AMD1: variants seen among roughly 807,000 people sequenced by gnomAD.
The protein encoded by AMD1 is S-adenosylmethionine decarboxylase proenzyme.
AMD1 carries 11 observed loss-of-function variants against 40.2 expected under a neutral mutation model. The observed-to-expected ratio is 0.27, with a 90% CI of 0.17 to 0.45. The LOEUF (loss-of-function observed/expected upper bound fraction) is 0.45, where lower values mean the gene tolerates loss of function less well. AMD1 is among the 20% of genes least tolerant of loss of function. AMD1 has a pLI of 1.00. For missense variants in AMD1, 257 were observed against 410.2 expected (o/e 0.63, Z 3.23); for synonymous variants, 121 against 130.8 (o/e 0.93, Z 0.51).
At chr6:110,848,926 G>C in the AMD1 span, among the ~76,000 whole-genome samples, 4 of 149,220 alleles carry the variant, frequency 2.7e-5, no homozygotes, top group Admixed American at 2.6e-4. Context: ...CAAGAGGATT[G>C]AGCCAGGAGT....
At position 110,893,696 on chromosome 6, in the gene AMD1, G is replaced by C. The variant is rs113377358; in HGVS notation, c.*80G>C. 4.0e-6 allele frequency: 6 copies of C among 1,501,112 alleles called. No homozygotes were observed. Among genetic ancestry groups the C allele is most frequent in the Admixed American group, 3.7e-5 (2 of 54,078 alleles). The allele number at this position is 1,501,112 out of a possible 1,614,324, so 93.0% of individuals were successfully genotyped here. A position where few individuals can be genotyped will look rare whatever the true frequency, so the allele number is the denominator to read the frequency against. ...TGCTTTCTAGATGTCGATGCTGGGG[G>C]CAGTGCTTTCCATAACCACCACTGT... On this transcript the variant is annotated 3_prime_UTR_variant, in exon 9 of 9. Coordinates refer to ENST00000368885, the MANE Select transcript of AMD1 (RefSeq NM_001634.6).
At chr6:110,863,401 G>T in the AMD1 span, among the ~76,000 whole-genome samples, 1 of 139,570 alleles carries the variant, frequency 7.2e-6, no homozygotes, top group African/African-American at 2.7e-5. Context: ...ACAGAGTCTC[G>T]CTCTGTCTCC....
In AMD1 at chr6:110,893,546, G is replaced by A. The variant is rs765148235; in HGVS notation, c.935G>A (p.Ser312Asn). 4.3e-6 allele frequency: 7 copies of A among 1,613,918 alleles called. No homozygotes were observed. The South Asian group carries it at 5.5e-5, about 13-fold the overall frequency. ...GGTTTTAAGCGTCTTGATTGCCAGA[G>A]TGCTATGTTCAATGATTACAATTTT... Reference protein sequence around the residue: ...IEGFKRLDCQSAMFNDYNFVF... With the variant: ...IEGFKRLDCQNAMFNDYNFVF... Residue 312 changes from serine (S) to asparagine (N), a missense_variant, in exon 9 of 9, where the codon AGT (serine) becomes AAT (asparagine). This residue lies in a region of AMD1 where 192 missense variants were observed against 296.5 expected (regional missense o/e 0.65). Coordinates refer to ENST00000368885, the MANE Select transcript of AMD1 (RefSeq NM_001634.6).
At chr6:110,852,680 A>C in the AMD1 span, among the ~76,000 whole-genome samples, 1 of 152,176 alleles carries the variant, frequency 6.6e-6, no homozygotes, top group Non-Finnish European at 1.5e-5. Context: ...AATCAATACA[A>C]AGAATTGCTG....
Position 110,874,986 on chromosome 6 carries a change from A to T in AMD1, c.-120A>T. 1 of 664,504 alleles carries T rather than the reference A, an allele frequency of 1.5e-6. No homozygotes were observed. Among genetic ancestry groups the T allele is most frequent in the Non-Finnish European group, 2.5e-6 (1 of 399,086 alleles). The allele number at this position is 664,504 out of a possible 1,614,324, so 41.2% of individuals were successfully genotyped here. The stretch of plus-strand genomic sequence containing the variant: ...ATATAAAATTATAGCAAAAAAAAAA[A>T]GGAACCTGAACTTTAGTAACACAGC... On this transcript the variant is annotated 5_prime_UTR_variant, in exon 1 of 9. In the 5' UTR this introduces an upstream ATG that the reference lacks. Transcript: ENST00000368885.
chr6:110,846,479 A>T, the AMD1 span, among the ~76,000 whole-genome samples: 1 of 152,248 alleles, frequency 6.6e-6, no homozygotes, highest in Non-Finnish European at 1.5e-5. Context: ...ATCAGAGGAA[A>T]CATTAAATGC....
At chr6:110,888,606 T>C in intron 2 of AMD1, 2 of 261,316 alleles carry the variant, frequency 7.7e-6, no homozygotes, top group Non-Finnish European at 1.5e-5. Flanking sequence ...GTGCCTGGCC[T>C]CTCTCTTTTT....
chr6:110,877,743 C>T (rs1440072172), intron 1 of AMD1, among the ~76,000 whole-genome samples: 2 of 152,224 alleles, frequency 1.3e-5, no homozygotes, highest in Non-Finnish European at 2.9e-5. Flanking sequence ...CAGGATCCCT[C>T]TATAGCCCAG....
At chr6:110,883,357 C>A (rs897990222) in intron 1 of AMD1, among the ~76,000 whole-genome samples, 1 of 152,168 alleles carries the variant, frequency 6.6e-6, no homozygotes, top group Non-Finnish European at 1.5e-5. Context: ...GCTGATTTCT[C>A]CTGGGCTTGC....
intron 1 of AMD1, among the ~76,000 whole-genome samples, chr6:110,885,442 T>C (rs1175617941): frequency 6.6e-6 from 1 of 151,956 alleles, no homozygotes; most frequent in Non-Finnish European, 1.5e-5. Context: ...TTTGTTTGTT[T>C]GTTTTTGAGA....
intron 1 of AMD1, among the ~76,000 whole-genome samples, chr6:110,877,563 C>T (rs975742924): frequency 5.3e-5 from 8 of 152,238 alleles, no homozygotes; most frequent in African/African-American, 1.7e-4. Context: ...AGTGCATAGC[C>T]TCTGGAATAA....
the AMD1 span, among the ~76,000 whole-genome samples, chr6:110,869,274 G>A: frequency 1.3e-5 from 2 of 151,662 alleles, no homozygotes; most frequent in African/African-American, 2.4e-5. Flanking sequence ...GGGACTACAG[G>A]AGCCCGCCAC....
At chr6:110,863,372 T>G in the AMD1 span, among the ~76,000 whole-genome samples, 1 of 108,522 alleles carries the variant, frequency 9.2e-6, no homozygotes, top group South Asian at 3.0e-4. Flanking sequence ...TTCTGCTTGC[T>G]TTTTTTTTTT....
Position 110,892,897 on chromosome 6 carries a change from CTT to C in AMD1, c.709-9_709-8del. ...GTCTTTCCATTCTTAACACTGTGAA[CTT>C]TTTCTCTCAGGGAACTTATTGGACT... On this transcript the variant is annotated splice_polypyrimidine_tract_variant and intron_variant, in intron 7 of 8. Transcript: ENST00000368885. 1 of 1,613,434 alleles carries C rather than the reference CTT, an allele frequency of 6.2e-7. No homozygotes were observed. Among genetic ancestry groups the C allele is most frequent in the Non-Finnish European group, 8.5e-7 (1 of 1,179,700 alleles).
the AMD1 span, among the ~76,000 whole-genome samples, chr6:110,850,020 TC>T: frequency 8.2e-6 from 1 of 122,398 alleles, no homozygotes; most frequent in Non-Finnish European, 1.7e-5. Context: ...CAAAACACTG[TC>T]AAAAAAAAAA....
At chr6:110,844,201 A>T in the AMD1 span, among the ~76,000 whole-genome samples, 3 of 151,442 alleles carry the variant, frequency 2.0e-5, no homozygotes, top group African/African-American at 7.3e-5. Context: ...CAGTGTAGCC[A>T]ACATAGCAAG....
chr6:110,852,004 T>A, the AMD1 span, among the ~76,000 whole-genome samples: 2 of 151,910 alleles, frequency 1.3e-5, no homozygotes, highest in African/African-American at 4.8e-5. Context: ...ATCAAGAGCT[T>A]TGGTTTAAAA....
the AMD1 span, among the ~76,000 whole-genome samples, chr6:110,869,075 T>A: frequency 5.7e-4 from 86 of 151,480 alleles, no homozygotes; most frequent in Non-Finnish European, 7.8e-4. Flanking sequence ...AAAAAAAAAA[T>A]TTAATGTAAT....
rs771852094 is a variant in AMD1 at position 110,874,829 on chromosome 6, T to C, written c.-277T>C. 1.1e-4 allele frequency: 42 copies of C among 366,718 alleles called. No individual in the cohort carries two copies. The highest frequency in any genetic ancestry group is 1.5e-3 in the Middle Eastern group (2 of 1,298). 22.7% of individuals were successfully genotyped at this position (366,718 alleles called of 1,614,324 possible). On this transcript the variant is annotated 5_prime_UTR_variant, in exon 1 of 9. Transcript: ENST00000368885. ...CGACATTAGCTAGCGCTCGCTCTAC[T>C]CTCTCTAACGGGAAAGCAGCGGAAT...
Sources: allele counts gnomAD v4.1 joint callset (sites outside exome capture counted in the v4.1 genomes callset), GRCh38; gene constraint gnomAD v4.1.1; regional missense constraint gnomAD v4.1.1; transcripts MANE v1.5; gene names NCBI Gene and HGNC (gene_info 2026-07-23, HGNC 2026-07-21).